Variants in PSD3 observed in about 807,000 individuals in gnomAD.
PSD3 encodes the protein PH and SEC7 domain-containing protein 3.
A neutral mutation model predicts 105.5 loss-of-function variants in PSD3; 49 were observed. The observed-to-expected ratio is 0.46, with a 90% CI of 0.37 to 0.59. The LOEUF is 0.59. Ranked by LOEUF, PSD3 falls within the 20% of genes least tolerant of loss-of-function variation. The pLI, the probability that PSD3 is intolerant of heterozygous loss-of-function variation, is 0.00. For synonymous variants in PSD3, 557 were observed against 457.8 expected (o/e 1.22, Z -2.77); for missense variants, 1,561 against 1,263.8 (o/e 1.24, Z -3.57).
chr8:18,776,306 A>G (rs1210014320), intron 8 of PSD3, among the ~76,000 whole-genome samples: 2 of 147,278 alleles, frequency 1.4e-5, no homozygotes, highest in Middle Eastern at 3.6e-3. Context: ...ATAAATATAT[A>G]TAGTATAAAA....
chr8:18,745,573 A>C (rs1804944551), intron 9 of PSD3, among the ~76,000 whole-genome samples: 1 of 152,166 alleles, frequency 6.6e-6, no homozygotes, highest in Non-Finnish European at 1.5e-5. Flanking sequence ...TCCCTGCCCC[A>C]GGACTACAAC....
At chr8:18,806,457 G>A (rs1001423794) in intron 4 of PSD3, among the ~76,000 whole-genome samples, 2 of 152,178 alleles carry the variant, frequency 1.3e-5, no homozygotes, top group African/African-American at 2.4e-5. Flanking sequence ...TGAAACTAAT[G>A]AGGATACATT....
At chr8:18,825,786 C>T (rs1813132634) in intron 4 of PSD3, among the ~76,000 whole-genome samples, 1 of 152,224 alleles carries the variant, frequency 6.6e-6, no homozygotes, top group South Asian at 2.1e-4. Flanking sequence ...TTAGCAAAAT[C>T]AGCACATCCC....
intron 1 of PSD3, among the ~76,000 whole-genome samples, chr8:18,995,785 G>A (rs576355732): frequency 1.3e-5 from 2 of 152,038 alleles, no homozygotes; most frequent in South Asian, 4.2e-4. Context: ...AAAACCATCA[G>A]ATCTCGTGAG....
In PSD3 at chr8:18,766,945, A is replaced by T. The variant is rs575664184; in HGVS notation, c.2083-1407T>A. Among the ~76,000 whole-genome samples the T allele has an allele frequency of 5.3e-5, 8 of 152,306 alleles. No individual in the cohort carries two copies. In the East Asian group the frequency reaches 1.2e-3, roughly 22 times the overall value. The stretch of plus-strand genomic sequence containing the variant: ...TCCCTTTGCACTAGCGGGAGATACC[A>T]GCTCTACCTTCCAGGGAGATATGCA... On this transcript the variant is annotated intron_variant, in intron 8 of 15. Transcript: ENST00000327040.
At chr8:18,692,751 G>C (rs1033714046) in intron 9 of PSD3, among the ~76,000 whole-genome samples, 1 of 152,126 alleles carries the variant, frequency 6.6e-6, no homozygotes, top group Non-Finnish European at 1.5e-5. Context: ...CACATTTTCT[G>C]TAACCAAATG....
At chr8:18,937,456 T>G (rs1822213937) in intron 1 of PSD3, among the ~76,000 whole-genome samples, 1 of 152,194 alleles carries the variant, frequency 6.6e-6, no homozygotes, top group Non-Finnish European at 1.5e-5. Flanking sequence ...TTCTATGCTT[T>G]GGAGTAGAAA....
rs749746732 is a variant in PSD3, at chr8:18,799,369, AG to A, written c.2024-17del. ...TGGACTCCATCTAAAGAAAGATACA[AG>A]AAAAAAAAGCATGAATTCGCTTTTC... On this transcript the variant is annotated splice_polypyrimidine_tract_variant and intron_variant, in intron 7 of 15. Transcript: ENST00000327040. 1.9e-6 allele frequency: 3 copies of A among 1,566,868 alleles called. No individual in the cohort carries two copies. Among genetic ancestry groups the A allele is most frequent in the Admixed American group, 1.7e-5 (1 of 57,962 alleles).
chr8:18,843,231 G>A (rs1814798018), intron 4 of PSD3, among the ~76,000 whole-genome samples: 1 of 151,934 alleles, frequency 6.6e-6, no homozygotes, highest in Non-Finnish European at 1.5e-5. Context: ...TGCGGTGGCA[G>A]GCGCCTGTAG....
chr8:18,830,631 G>A (rs1563322484), intron 4 of PSD3, among the ~76,000 whole-genome samples: 1 of 152,158 alleles, frequency 6.6e-6, no homozygotes, highest in Admixed American at 6.5e-5. Flanking sequence ...TGGCTTTTGG[G>A]CAAACTTTTT....
chr8:18,852,734 T>A (rs1415835377), intron 4 of PSD3, among the ~76,000 whole-genome samples: 1 of 152,190 alleles, frequency 6.6e-6, no homozygotes, highest in African/African-American at 2.4e-5. Flanking sequence ...CAGTGTGAGC[T>A]TGCCCACAAC....
At position 18,846,931 on chromosome 8, in the gene PSD3, G is replaced by A. The variant is rs572568065; in HGVS notation, c.1634+20743C>T. On this transcript the variant is annotated intron_variant, in intron 4 of 15. Coordinates refer to ENST00000327040, the MANE Select transcript of PSD3 (RefSeq NM_015310.4). ...TGACACAGCCAAAGACAGAGCTCAT[G>A]TGAAGTACCAGGAAAACCCCAGGCC... is the stretch of plus-strand genomic sequence containing the variant. 1.1e-3 allele frequency among the ~76,000 whole-genome samples: 172 copies of A among 152,228 alleles called. 1 individual carries two copies. Among genetic ancestry groups the A allele is most frequent in the African/African-American group, 3.9e-3 (164 of 41,524 alleles).
At chr8:18,673,649 T>G (rs1484676495) in intron 9 of PSD3, among the ~76,000 whole-genome samples, 1 of 152,308 alleles carries the variant, frequency 6.6e-6, no homozygotes, top group East Asian at 1.9e-4. Context: ...CCATGTCTTC[T>G]CTTTCACTTC....
At chr8:18,752,501 A>AATATATATATAATATATGTAAT (rs10634696) in intron 9 of PSD3, among the ~76,000 whole-genome samples, 1 of 88,652 alleles carries the variant, frequency 1.1e-5, no homozygotes, top group African/African-American at 5.9e-5. Flanking sequence ...TAATATATAT[A>AATATATATATAATATATGTAAT]ATATATATAA....
At chr8:19,034,145 G>A (rs746972735) in intron 1 of PSD3, among the ~76,000 whole-genome samples, 49 of 152,166 alleles carry the variant, frequency 3.2e-4, no homozygotes, top group Non-Finnish European at 5.3e-4. Context: ...AGACTGGGGC[G>A]TCAGAATTAG....
At chr8:19,052,675 G>C (rs1828572606) in intron 1 of PSD3, among the ~76,000 whole-genome samples, 1 of 152,084 alleles carries the variant, frequency 6.6e-6, no homozygotes, top group Non-Finnish European at 1.5e-5. Flanking sequence ...GTTGGGAAAG[G>C]AGTTCGGTAA....
intron 8 of PSD3, among the ~76,000 whole-genome samples, chr8:18,776,270 AT>A (rs1353900588): frequency 1.4e-5 from 2 of 142,412 alleles, no homozygotes; most frequent in African/African-American, 5.5e-5. Flanking sequence ...CTATATATAT[AT>A]AATGTATAAA....
At chr8:18,558,113 C>T (rs566336995) in intron 14 of PSD3, among the ~76,000 whole-genome samples, 1 of 152,344 alleles carries the variant, frequency 6.6e-6, no homozygotes, top group East Asian at 1.9e-4. Flanking sequence ...TTGGATTTCC[C>T]ATCTCCAGAA....
rs1463137805 is a variant in PSD3 at position 18,872,704 on chromosome 8, G to A, written c.160C>T (p.Pro54Ser). 1.3e-6 allele frequency: 2 copies of A among 1,579,896 alleles called. No individual in the cohort carries two copies. The highest frequency in any genetic ancestry group is 1.8e-5 in the Admixed American group (1 of 54,160). The change falls in exon 3 of 16, where the codon CCA (proline) becomes TCA (serine). Residue 54 changes from proline to serine, a missense_variant. Coordinates refer to ENST00000327040, the MANE Select transcript of PSD3 (RefSeq NM_015310.4). ...TCTGGAAATTCATTTGTGACATTTGGTGGGAGTAAAGTGCTTCCTCCATGA... is the reference window on the plus strand; with the variant it reads ...TCTGGAAATTCATTTGTGACATTTGATGGGAGTAAAGTGCTTCCTCCATGA... ...SDHGGSTLLP[P>S]NVTNEFPEYG...
Sources: allele counts gnomAD v4.1 joint callset (sites outside exome capture counted in the v4.1 genomes callset), GRCh38; gene constraint gnomAD v4.1.1; transcripts MANE v1.5; gene names NCBI Gene and HGNC (gene_info 2026-07-23, HGNC 2026-07-21).